Variants in ZNF568 observed in about 807,000 individuals in gnomAD.
ZNF568 encodes the protein p53 inhibitor of SCO2 activation.
ZNF568 carries 11 observed loss-of-function variants against 18.1 expected under a neutral mutation model. The ratio of observed to expected loss-of-function variants is 0.61; its 90% CI spans 0.38 to 1.00. The LOEUF (loss-of-function observed/expected upper bound fraction) is 1.00. ZNF568 is among the 50% of genes least tolerant of loss of function. The pLI is 0.01. For missense variants in ZNF568, 639 were observed against 768.2 expected (o/e 0.83, Z 1.99); for synonymous variants, 213 against 246.6 (o/e 0.86, Z 1.28).
chr19:36,928,248 G>A (rs2073618953), intron 4 of ZNF568, among the ~76,000 whole-genome samples: 1 of 151,680 alleles, frequency 6.6e-6, no homozygotes, highest in African/African-American at 2.4e-5. Flanking sequence ...AATTAAAGAT[G>A]TTTCCATTTA....
chr19:36,977,051 C>T (rs1385515987), intron 7 of ZNF568, among the ~76,000 whole-genome samples: 9 of 152,120 alleles, frequency 5.9e-5, no homozygotes, highest in African/African-American at 1.4e-4. Context: ...GTCATTTATA[C>T]GTTGTTTTAG....
At chr19:36,958,168 T>G (rs1487445861) in intron 6 of ZNF568, among the ~76,000 whole-genome samples, 1 of 152,230 alleles carries the variant, frequency 6.6e-6, no homozygotes, top group Admixed American at 6.5e-5. Flanking sequence ...TTATTGGATT[T>G]GATTTGCTAA....
intron 7 of ZNF568, among the ~76,000 whole-genome samples, chr19:36,977,606 A>G (rs2074296402): frequency 6.6e-6 from 1 of 152,124 alleles, no homozygotes; most frequent in Non-Finnish European, 1.5e-5. Flanking sequence ...TCTTCCCATT[A>G]CTGTAGAGGC....
chr19:36,964,655 A>C (rs1222513056), intron 6 of ZNF568, among the ~76,000 whole-genome samples: 1 of 152,088 alleles, frequency 6.6e-6, no homozygotes, highest in East Asian at 1.9e-4. Context: ...TCTACAAAAA[A>C]TTTTTAAAAA....
At position 36,951,235 on chromosome 19, in the gene ZNF568, T is replaced by C. The variant is rs1442241807; in HGVS notation, c.*147T>C. 2 of 705,838 alleles carry C rather than the reference T, an allele frequency of 2.8e-6. No homozygotes were observed. Among genetic ancestry groups the C allele is most frequent in the South Asian group, 4.7e-5 (1 of 21,264 alleles). The allele number at this position is 705,838 out of a possible 1,614,324, so 43.7% of individuals were successfully genotyped here. A position where few individuals can be genotyped will look rare whatever the true frequency, so the allele number is the denominator to read the frequency against. Reference sequence around the variant, plus strand: ...TAAATGGAAAGAAATACCATATACATAGATGGAAAAACCCAGTATTATAAA... The same window carrying C: ...TAAATGGAAAGAAATACCATATACACAGATGGAAAAACCCAGTATTATAAA... On this transcript the variant is annotated 3_prime_UTR_variant, in exon 7 of 7. Coordinates refer to ENST00000333987, the MANE Select transcript of ZNF568 (RefSeq NM_198539.4).
intron 6 of ZNF568, among the ~76,000 whole-genome samples, chr19:36,971,411 A>C (rs1449821086): frequency 6.6e-6 from 1 of 152,128 alleles, no homozygotes; most frequent in Non-Finnish European, 1.5e-5. Flanking sequence ...GAAATACTTA[A>C]GAATTTTTTT....
intron 4 of ZNF568, among the ~76,000 whole-genome samples, chr19:36,933,245 A>C (rs955256926): frequency 6.6e-6 from 1 of 151,280 alleles, no homozygotes; most frequent in African/African-American, 2.4e-5. Context: ...GCATGCAGAC[A>C]GTCCAGTTGT....
At chr19:36,919,182 T>C (rs2073407434) in intron 2 of ZNF568, among the ~76,000 whole-genome samples, 1 of 152,196 alleles carries the variant, frequency 6.6e-6, no homozygotes, top group Non-Finnish European at 1.5e-5. Context: ...TCATAGTGTT[T>C]TCGATAATGA....
intron 6 of ZNF568, 83 bp from the exon 7 acceptor site, chr19:36,949,429 C>A (rs2074019688): frequency 7.3e-7 from 1 of 1,371,810 alleles, no homozygotes; most frequent in Admixed American, 2.6e-5. Context: ...GATTAAACCC[C>A]ACATTAGCCT....
At chr19:36,931,718 TAAA>T (rs1374436912) in intron 4 of ZNF568, 1 of 152,128 alleles carries the variant, frequency 6.6e-6, no homozygotes, top group African/African-American at 2.4e-5. Flanking sequence ...TCTTATAACT[TAAA>T]AAAACTTTAT....
chr19:36,929,091 G>T (rs566741233), intron 4 of ZNF568, among the ~76,000 whole-genome samples: 1 of 151,290 alleles, frequency 6.6e-6, no homozygotes, highest in South Asian at 2.1e-4. Context: ...TTTAAAAGAA[G>T]AATATTTGTT....
chr19:36,983,849 G>A (rs529216629), downstream of ZNF568, among the ~76,000 whole-genome samples: 1 of 150,252 alleles, frequency 6.7e-6, no homozygotes, highest in Non-Finnish European at 1.5e-5. Context: ...AATAACCAGC[G>A]TAGAGCTGGG....
At chr19:36,960,960 T>C (rs1425292917) in intron 6 of ZNF568, among the ~76,000 whole-genome samples, 5 of 152,170 alleles carry the variant, frequency 3.3e-5, no homozygotes, top group Non-Finnish European at 5.9e-5. Flanking sequence ...TTATGGAGAA[T>C]GTTCCATGTA....
chr19:36,965,959 C>G (rs2074191477), intron 6 of ZNF568, among the ~76,000 whole-genome samples: 1 of 151,970 alleles, frequency 6.6e-6, no homozygotes, highest in South Asian at 2.1e-4. Context: ...CTCGGCCTCC[C>G]AAAGTGCTGG....
chr19:36,962,445 A>C (rs2074162391), intron 6 of ZNF568, among the ~76,000 whole-genome samples: 1 of 149,668 alleles, frequency 6.7e-6, no homozygotes, highest in African/African-American at 2.5e-5. Flanking sequence ...GGTTCAAGTG[A>C]TTCCCGTGCC....
At position 36,921,867 on chromosome 19, in the gene ZNF568, G is replaced by A. The variant is rs574473841; in HGVS notation, c.-185-719G>A. ...GAAACTCTCTTTTATGCCAAATTTG[G>A]GGTTGCTGCAAATCTGGGTGTTTTT... On this transcript the variant is annotated intron_variant, in intron 2 of 6. Transcript: ENST00000333987. 1.8e-4 allele frequency among the ~76,000 whole-genome samples: 28 copies of A among 152,146 alleles called. No individual in the cohort carries two copies. In the East Asian group the frequency reaches 4.8e-3, roughly 26 times the overall value.
chr19:36,984,419 A>G (rs550285822), downstream of ZNF568, among the ~76,000 whole-genome samples: 23 of 152,294 alleles, frequency 1.5e-4, no homozygotes, highest in South Asian at 3.7e-3. Context: ...ACTAGTGTCT[A>G]AAACTAAAAA....
intron 6 of ZNF568, among the ~76,000 whole-genome samples, chr19:36,939,341 C>G (rs2073840194): frequency 6.6e-6 from 1 of 152,072 alleles, no homozygotes; most frequent in Non-Finnish European, 1.5e-5. Context: ...ATGACTCATT[C>G]ATTCTGCCCA....
chr19:36,974,962 G>C (rs1382367036), intron 7 of ZNF568, among the ~76,000 whole-genome samples: 1 of 150,946 alleles, frequency 6.6e-6, no homozygotes, highest in African/African-American at 2.4e-5. Context: ...GAGTAGCCGA[G>C]ATTACAGGCA....
Sources: allele counts gnomAD v4.1 joint callset (sites outside exome capture counted in the v4.1 genomes callset), GRCh38; gene constraint gnomAD v4.1.1; transcripts MANE v1.5; gene names NCBI Gene and HGNC (gene_info 2026-07-23, HGNC 2026-07-21).